The following TM9SF3 variants were observed in gnomAD, a reference collection of about 807,000 sequenced individuals.
TM9SF3 encodes the protein transmembrane 9 superfamily member 3, also known as SM-11044-binding protein.
A neutral mutation model predicts 78.6 loss-of-function variants in TM9SF3; 14 were observed. The observed-to-expected ratio is 0.18, with a 90% CI of 0.12 to 0.28. The LOEUF (loss-of-function observed/expected upper bound fraction) is 0.28, where lower values mean the gene tolerates loss of function less well. Among genes scored for constraint, TM9SF3 ranks in the 10% least tolerant of loss-of-function variants. The pLI, the probability that TM9SF3 is intolerant of heterozygous loss-of-function variation, is 1.00. For missense variants in TM9SF3, 496 were observed against 721.9 expected, an observed-to-expected ratio of 0.69 and a Z score of 3.59; for synonymous variants, 231 against 241.7, an observed-to-expected ratio of 0.96 and a Z score of 0.41.
At chr10:96,565,796 G>C (rs1189652910) in intron 2 of TM9SF3, among the ~76,000 whole-genome samples, 1 of 151,976 alleles carries the variant, frequency 6.6e-6, no homozygotes, top group East Asian at 1.9e-4. Context: ...AAAAGCTCAA[G>C]AATATGGTCA....
chr10:96,560,021 ATGAAC>A (rs1848285213), intron 4 of TM9SF3, among the ~76,000 whole-genome samples: 1 of 152,226 alleles, frequency 6.6e-6, no homozygotes, highest in Admixed American at 6.5e-5. Flanking sequence ...TAAATGTGAT[ATGAAC>A]TGAATTAGTA....
In TM9SF3 at chr10:96,562,035, T is replaced by C. The variant is rs1848314424; in HGVS notation, c.525A>G (p.Leu175=). 6.2e-7 allele frequency: 1 copy of C among 1,613,618 alleles called. No individual in the cohort carries two copies. The highest frequency in any genetic ancestry group is 1.3e-5 in the African/African-American group (1 of 75,008). Residue 175 remains leucine (L), a synonymous_variant, in exon 4 of 15, where the codon CTA becomes CTG. Transcript: ENST00000371142. ...CCAGTTTCACCTTTCCTTCACTAGT[T>C]AGATTAACATCAACAATTCGATTTC... ...FNGNRIVDVN[L]TSEGKVKLVP... is the part of the protein sequence containing the mutation.
intron 1 of TM9SF3, among the ~76,000 whole-genome samples, chr10:96,580,786 C>G (rs779772067): frequency 6.6e-6 from 1 of 152,070 alleles, no homozygotes; most frequent in Non-Finnish European, 1.5e-5. Flanking sequence ...AGGTATAGTT[C>G]TAAGGTCTTT....
At chr10:96,584,544 A>G (rs1206843617) in intron 1 of TM9SF3, among the ~76,000 whole-genome samples, 2 of 152,224 alleles carry the variant, frequency 1.3e-5, no homozygotes, top group African/African-American at 2.4e-5. Flanking sequence ...GTGGTGGCTC[A>G]TGCCTGTAAT....
At chr10:96,539,207 G>A (rs745990950) in intron 9 of TM9SF3, among the ~76,000 whole-genome samples, 4 of 147,984 alleles carry the variant, frequency 2.7e-5, no homozygotes, top group African/African-American at 5.0e-5. Context: ...GTGGTGGCTC[G>A]TACCTGTAAT....
At chr10:96,545,705 C>T (rs561355525) in intron 8 of TM9SF3, among the ~76,000 whole-genome samples, 2 of 152,188 alleles carry the variant, frequency 1.3e-5, no homozygotes, top group South Asian at 2.1e-4. Context: ...GCCTGGCCAA[C>T]GTGGTGAAAC....
intron 9 of TM9SF3, among the ~76,000 whole-genome samples, chr10:96,537,839 A>G (rs1847978439): frequency 6.6e-6 from 1 of 152,244 alleles, no homozygotes; most frequent in African/African-American, 2.4e-5. Context: ...TCAACAGAAG[A>G]TAACAAAACC....
At chr10:96,563,128 T>C (rs890990101) in intron 3 of TM9SF3, among the ~76,000 whole-genome samples, 2 of 152,286 alleles carry the variant, frequency 1.3e-5, no homozygotes, top group African/African-American at 4.8e-5. Context: ...CAGGCTGGAG[T>C]GTAGTGACAC....
intron 8 of TM9SF3, among the ~76,000 whole-genome samples, chr10:96,545,412 C>T (rs993815843): frequency 2.2e-4 from 34 of 152,202 alleles, no homozygotes; most frequent in Admixed American, 5.9e-4. Flanking sequence ...CCTGAGTTTT[C>T]TCTCCTGTTT....
At position 96,530,622 on chromosome 10, in the gene TM9SF3, A is replaced by C; in HGVS notation, c.1326-14T>G. On this transcript the variant is annotated splice_polypyrimidine_tract_variant and intron_variant, in intron 10 of 14. Coordinates refer to ENST00000371142, the MANE Select transcript of TM9SF3 (RefSeq NM_020123.4). ...GGCTCCATGAACCTGGAAAATATTA[A>C]AATTAATAGTAAACTTCTAGTATGA... 1 of 1,601,162 alleles carries C rather than the reference A, an allele frequency of 6.2e-7. No homozygotes were observed. The highest frequency in any genetic ancestry group is 1.1e-5 in the South Asian group (1 of 88,616).
intron 11 of TM9SF3, among the ~76,000 whole-genome samples, chr10:96,530,183 A>T (rs1209157278): frequency 6.6e-6 from 1 of 152,140 alleles, no homozygotes; most frequent in Admixed American, 6.5e-5. Context: ...GTATTGGTTT[A>T]CCTAGTTCCC....
intron 2 of TM9SF3, among the ~76,000 whole-genome samples, chr10:96,569,184 A>G (rs901663838): frequency 1.3e-5 from 2 of 152,242 alleles, no homozygotes; most frequent in African/African-American, 4.8e-5. Context: ...AAAGAAAAAA[A>G]GGATTGAAAG....
At chr10:96,574,719 T>C (rs1377899413) in intron 2 of TM9SF3, among the ~76,000 whole-genome samples, 1 of 152,204 alleles carries the variant, frequency 6.6e-6, no homozygotes, top group African/African-American at 2.4e-5. Flanking sequence ...GTGGCACATA[T>C]ATACCATGGA....
intron 1 of TM9SF3, among the ~76,000 whole-genome samples, chr10:96,584,796 G>A (rs1039846560): frequency 2.6e-5 from 4 of 152,210 alleles, no homozygotes; most frequent in Non-Finnish European, 4.4e-5. Flanking sequence ...GGGCAACAGA[G>A]TGGGACTCTG....
At chr10:96,552,839 C>A (rs575615243) in intron 6 of TM9SF3, 89 bp downstream of exon 6, 1 of 1,249,536 alleles carries the variant, frequency 8.0e-7, no homozygotes, top group East Asian at 2.9e-5. Context: ...CAAAGACTTC[C>A]GGTAAGAAAT....
intron 1 of TM9SF3, among the ~76,000 whole-genome samples, chr10:96,584,081 T>G (rs757180808): frequency 2.6e-5 from 4 of 152,116 alleles, no homozygotes; most frequent in Non-Finnish European, 4.4e-5. Context: ...CATAGCCCAT[T>G]TTACTACAAA....
chr10:96,555,753 G>C (rs765605837), intron 5 of TM9SF3, among the ~76,000 whole-genome samples: 2 of 152,108 alleles, frequency 1.3e-5, no homozygotes, highest in Non-Finnish European at 2.9e-5. Context: ...CTCAAAAAAG[G>C]TTATATAAAT....
intron 4 of TM9SF3, chr10:96,560,405 A>C (rs1848291321): frequency 1.4e-6 from 1 of 738,632 alleles, no homozygotes; most frequent in Non-Finnish European, 2.5e-6. Context: ...CCAATTAAAT[A>C]ACACTGGCAC....
intron 1 of TM9SF3, among the ~76,000 whole-genome samples, chr10:96,581,442 A>G (rs1408366624): frequency 6.6e-6 from 1 of 152,220 alleles, no homozygotes; most frequent in Non-Finnish European, 1.5e-5. Flanking sequence ...TCCAGAAATC[A>G]TAATTTCAAA....
Sources: gnomAD v4.1 joint callset for allele counts (sites outside exome capture counted in the v4.1 genomes callset) on GRCh38, gnomAD v4.1.1 for gene constraint, MANE v1.5 for transcripts, NCBI Gene and HGNC (gene_info 2026-07-23, HGNC 2026-07-21) for gene names.